The following TP63 variants were observed in gnomAD, a reference collection of about 807,000 sequenced individuals.
TP63 encodes the protein tumor protein p63, also known as tumor protein 63.
A neutral mutation model predicts 82.8 loss-of-function variants in TP63; 17 were observed. That is an observed-to-expected ratio of 0.21 (90% CI 0.14 to 0.31). TP63 has a LOEUF of 0.31. Among genes scored for constraint, TP63 ranks in the 10% least tolerant of loss-of-function variants. The pLI, the probability that TP63 is intolerant of heterozygous loss-of-function variation, is 1.00. For synonymous variants in TP63, 330 were observed against 321.7 expected, an observed-to-expected ratio of 1.03 and a Z score of -0.28; for missense variants, 648 against 895.3, an observed-to-expected ratio of 0.72 and a Z score of 3.52.
chr3:189,745,837 T>C (rs1721335366), intron 3 of TP63, among the ~76,000 whole-genome samples: 1 of 147,500 alleles, frequency 6.8e-6, no homozygotes, highest in South Asian at 2.1e-4. Context: ...ATCTCAGAAA[T>C]TGAAGACAGG....
chr3:189,846,126 T>G (rs927613951), intron 4 of TP63, among the ~76,000 whole-genome samples: 1 of 152,024 alleles, frequency 6.6e-6, no homozygotes, highest in African/African-American at 2.4e-5. Context: ...AATTCTTTTT[T>G]TTTCCCCCTT....
At chr3:189,813,515 T>A (rs1031591071) in intron 4 of TP63, among the ~76,000 whole-genome samples, 3 of 152,128 alleles carry the variant, frequency 2.0e-5, no homozygotes, top group Non-Finnish European at 2.9e-5. Flanking sequence ...CACACACCTT[T>A]GCCAGTTGGA....
chr3:189,673,002 G>A (rs1010000742), intron 1 of TP63, among the ~76,000 whole-genome samples: 2 of 151,946 alleles, frequency 1.3e-5, no homozygotes, highest in African/African-American at 4.8e-5. Context: ...CACCACGCCT[G>A]GCTAATTTTT....
intron 1 of TP63, among the ~76,000 whole-genome samples, chr3:189,635,834 T>C (rs913669486): frequency 6.6e-6 from 1 of 152,106 alleles, no homozygotes; most frequent in South Asian, 2.1e-4. Flanking sequence ...ATTAAAAAAG[T>C]ATGCCATGAT....
At chr3:189,749,117 G>A (rs1043379208) in intron 3 of TP63, among the ~76,000 whole-genome samples, 4 of 151,932 alleles carry the variant, frequency 2.6e-5, no homozygotes, top group African/African-American at 9.7e-5. Context: ...GGTCTAGGCA[G>A]AGATTTTTAT....
chr3:189,818,878 A>G (rs1338324222), intron 4 of TP63, among the ~76,000 whole-genome samples: 1 of 152,158 alleles, frequency 6.6e-6, no homozygotes, highest in African/African-American at 2.4e-5. Flanking sequence ...CTAATGGGGA[A>G]ACTTCTAGAC....
chr3:189,620,506 C>CAAAAAAAAAAAAA, the TP63 span, among the ~76,000 whole-genome samples: 2 of 68,986 alleles, frequency 2.9e-5, 1 homozygote, highest in Non-Finnish European at 5.5e-5. Flanking sequence ...AAGACTCCAT[C>CAAAAAAAAAAAAA]AAAAAAAAAA....
At chr3:189,597,921 C>A in the TP63 span, among the ~76,000 whole-genome samples, 2 of 117,326 alleles carry the variant, frequency 1.7e-5, no homozygotes. Flanking sequence ...AGAGTGAGAC[C>A]CTGCCTCAAA....
chr3:189,777,839 C>CTTTTT (rs1723922139), intron 3 of TP63, among the ~76,000 whole-genome samples: 3 of 80,420 alleles, frequency 3.7e-5, no homozygotes, highest in Admixed American at 1.3e-4. Flanking sequence ...TCTTCTTCTT[C>CTTTTT]TTCTTCTTTT....
rs749176563 is a variant in TP63 at position 189,880,228 on chromosome 3, TGTGA to T, written c.1350-6162_1350-6159del. The T allele has an allele frequency of 5.0e-6, 8 of 1,591,200 alleles. No individual in the cohort carries two copies. The East Asian group carries it at 9.0e-5, about 18-fold the overall frequency. ...TGTGTGTTGTATTTCCATGTGTATA[TGTGA>T]GTGTGTGTGTGTGTATGTGTGTGCG... On this transcript the variant is annotated intron_variant, in intron 10 of 13. Transcript: ENST00000264731.
intron 1 of TP63, among the ~76,000 whole-genome samples, chr3:189,715,876 A>G (rs569484653): frequency 3.1e-4 from 47 of 152,300 alleles, no homozygotes; most frequent in African/African-American, 1.1e-3. Flanking sequence ...CAGGAACTGA[A>G]CCATGCTCTT....
intron 1 of TP63, among the ~76,000 whole-genome samples, chr3:189,666,337 A>G (rs1714388661): frequency 6.6e-6 from 1 of 152,102 alleles, no homozygotes; most frequent in Non-Finnish European, 1.5e-5. Context: ...TTGACATTCT[A>G]CTATCATTCA....
At chr3:189,783,054 T>C (rs1344733545) in intron 3 of TP63, among the ~76,000 whole-genome samples, 4 of 152,022 alleles carry the variant, frequency 2.6e-5, no homozygotes, top group African/African-American at 9.7e-5. Flanking sequence ...TAATAAATAG[T>C]GTAATAATTT....
chr3:189,765,433 CT>C (rs576530590), intron 3 of TP63, among the ~76,000 whole-genome samples: 21 of 30,084 alleles, frequency 7.0e-4, no homozygotes, highest in South Asian at 2.2e-3. Flanking sequence ...CTGTCCTCTG[CT>C]TTTTTTTTTT....
intron 1 of TP63, among the ~76,000 whole-genome samples, chr3:189,676,612 G>T: frequency 6.6e-6 from 1 of 151,804 alleles, no homozygotes; most frequent in East Asian, 1.9e-4. Context: ...AATAGACTTA[G>T]GGAGTACACG....
chr3:189,879,227 G>T (rs1326329796), intron 10 of TP63, among the ~76,000 whole-genome samples: 2 of 152,118 alleles, frequency 1.3e-5, no homozygotes, highest in African/African-American at 2.4e-5. Flanking sequence ...AAATGACTTT[G>T]TTCCTTTGAA....
intron 1 of TP63, among the ~76,000 whole-genome samples, chr3:189,688,921 A>G (rs776456108): frequency 2.0e-5 from 3 of 152,008 alleles, no homozygotes; most frequent in African/African-American, 4.8e-5. Flanking sequence ...GTCATCTTGT[A>G]TTCATTCCTC....
chr3:189,607,352 G>C, the TP63 span, among the ~76,000 whole-genome samples: 1 of 152,126 alleles, frequency 6.6e-6, no homozygotes, highest in Non-Finnish European at 1.5e-5. Flanking sequence ...TGAAGAAAAT[G>C]CAGGAACTTT....
intron 4 of TP63, among the ~76,000 whole-genome samples, chr3:189,816,590 G>A (rs1429036861): frequency 6.6e-6 from 1 of 152,106 alleles, no homozygotes; most frequent in Non-Finnish European, 1.5e-5. Context: ...TGTCTAGTCA[G>A]GTCACTGTGA....
Sources: allele counts gnomAD v4.1 joint callset (sites outside exome capture counted in the v4.1 genomes callset), GRCh38; gene constraint gnomAD v4.1.1; transcripts MANE v1.5; gene names NCBI Gene and HGNC (gene_info 2026-07-23, HGNC 2026-07-21).